PML: variants seen among roughly 807,000 people sequenced by gnomAD.
PML encodes the protein protein PML.
In PML, 28 loss-of-function variants were observed where a neutral mutation model predicts 65.2. That is an observed-to-expected ratio of 0.43 (90% CI 0.32 to 0.59). The LOEUF is 0.59. Among genes scored for constraint, PML ranks in the 20% least tolerant of loss-of-function variants. The probability of loss-of-function intolerance (pLI) is 0.08; values close to 1 mark genes in which losing one functional copy is unlikely to be tolerated. For missense variants in PML, 1,021 were observed against 1,203.4 expected (o/e 0.85, Z 2.24); for synonymous variants, 500 against 508.8 (o/e 0.98, Z 0.23).
At chr15:74,036,509 T>C in intron 7 of PML, 1 of 1,100,314 alleles carries the variant, frequency 9.1e-7, no homozygotes, top group Non-Finnish European at 1.1e-6. Flanking sequence ...GGATACCATG[T>C]CCCCTCTTCC....
Position 74,035,378 on chromosome 15 carries a change from C to G in PML, c.1710+848C>G, listed in dbSNP as rs745972252. 8 of 1,611,832 alleles carry G rather than the reference C, an allele frequency of 5.0e-6. No individual in the cohort carries two copies. The East Asian group carries it at 1.8e-4, about 36-fold the overall frequency. ...CTGCCACCCCCGATGCTGAGCCTCA[C>G]AGCGAGCCTCCTGATCACCAGGAGC... On this transcript the variant is annotated intron_variant, in intron 7 of 8. Transcript: ENST00000268058. The surrounding 1 kb of genome is among the most constrained non-coding windows in gnomAD (Gnocchi z 4.1).
chr15:74,023,819 G>C (rs1338071541), intron 3 of PML, among the ~76,000 whole-genome samples: 2 of 152,128 alleles, frequency 1.3e-5, no homozygotes, highest in Non-Finnish European at 2.9e-5. Flanking sequence ...GTAGAAGGGG[G>C]CTAAGAAAAC....
At chr15:74,031,645 T>G (rs527414920) in intron 4 of PML, among the ~76,000 whole-genome samples, 3 of 152,366 alleles carry the variant, frequency 2.0e-5, no homozygotes, top group Admixed American at 2.0e-4. Flanking sequence ...AAGCTTTTGT[T>G]TAACCGTCTG....
At chr15:74,039,318 A>C (rs12917449) in intron 7 of PML, among the ~76,000 whole-genome samples, 25,321 of 152,212 alleles carry the variant, frequency 0.17, 2,339 homozygotes, top group Non-Finnish European at 0.2. Flanking sequence ...CAGTTCACTC[A>C]TAACATGTGC....
In PML at chr15:74,035,699, C is replaced by G. The variant is rs1227523654; in HGVS notation, c.1710+1169C>G. On this transcript the variant is annotated intron_variant, in intron 7 of 8. Transcript: ENST00000268058. The surrounding 1 kb of genome is among the most constrained non-coding windows in gnomAD (Gnocchi z 4.1). ...GCTCCTCCCATTTATCCCAGTGGCT[C>G]AACAACTTTTTTGCCCTCCCCTTCT... The G allele has an allele frequency of 1.9e-6, 3 of 1,614,140 alleles. No individual in the cohort carries two copies. Among genetic ancestry groups the G allele is most frequent in the Non-Finnish European group, 2.5e-6 (3 of 1,180,012 alleles).
intron 2 of PML, among the ~76,000 whole-genome samples, chr15:74,002,769 T>G (rs1037404775): frequency 6.6e-6 from 1 of 152,064 alleles, no homozygotes; most frequent in Admixed American, 6.6e-5. Flanking sequence ...TTTCTACCTT[T>G]CCTTCCATTC....
chr15:74,009,954 A>G (rs774301018), intron 2 of PML, among the ~76,000 whole-genome samples: 1 of 152,074 alleles, frequency 6.6e-6, no homozygotes, highest in Non-Finnish European at 1.5e-5. Flanking sequence ...TTCTGCAGCT[A>G]TGGGAGTGGG....
At chr15:73,998,507 C>A in intron 2 of PML, 31 bp downstream of exon 2, 1 of 1,569,962 alleles carries the variant, frequency 6.4e-7, no homozygotes, top group Non-Finnish European at 8.8e-7. Flanking sequence ...TGGGGTGGTG[C>A]ATCCAAGTAC....
Position 74,023,065 on chromosome 15 carries a change from C to T in PML, c.840C>T (p.Arg280=), listed in dbSNP as rs777026193. The change falls in exon 3 of 9, where the codon CGC becomes CGT. Residue 280 remains arginine (R), a synonymous_variant. Coordinates refer to ENST00000268058, the MANE Select transcript of PML (RefSeq NM_033238.3). ...RARAETEELI[R]ERVRQVVAHV... ...GTGCCGAGACCGAGGAGCTGATCCGCGAGCGCGTGCGCCAGGTGGTAGCTC... is the reference window on the plus strand; with the variant it reads ...GTGCCGAGACCGAGGAGCTGATCCGTGAGCGCGTGCGCCAGGTGGTAGCTC... 1 of 1,602,818 alleles carries T rather than the reference C, an allele frequency of 6.2e-7. No homozygotes were observed. Among genetic ancestry groups the T allele is most frequent in the Non-Finnish European group, 8.5e-7 (1 of 1,178,472 alleles).
rs751333398 is a variant in PML at position 74,043,696 on chromosome 15, G to A, written c.1862-525G>A. ...CCTGTGGCATGGACTCAACATTGGG[G>A]CTAGCCCAGCCAGACAGAAACAGCA... On this transcript the variant is annotated intron_variant, in intron 8 of 8. Coordinates refer to ENST00000268058, the MANE Select transcript of PML (RefSeq NM_033238.3). The surrounding 1 kb of genome is among the most constrained non-coding windows in gnomAD (Gnocchi z 4.3). 1 of 531,352 alleles carries A rather than the reference G, an allele frequency of 1.9e-6. No homozygotes were observed. The highest frequency in any genetic ancestry group is 4.9e-5 in the East Asian group (1 of 20,336). 32.9% of individuals were successfully genotyped at this position (531,352 alleles called of 1,614,324 possible).
chr15:74,036,490 C>G lies in PML; in HGVS notation c.1710+1960C>G, dbSNP rs80082847. ...CTCTTCCCTATGCTGGAACTCAGTTCTCCTCTGGGGATACCATGTCCCCTC... is the reference window on the plus strand; with the variant it reads ...CTCTTCCCTATGCTGGAACTCAGTTGTCCTCTGGGGATACCATGTCCCCTC... On this transcript the variant is annotated intron_variant, in intron 7 of 8. Transcript: ENST00000268058. 484 of 1,207,798 alleles carry G rather than the reference C, an allele frequency of 4.0e-4. 5 individuals are homozygous for G. In the African/African-American group the frequency reaches 6.6e-3, roughly 16 times the overall value. The allele number at this position is 1,207,798 out of a possible 1,614,324, so 74.8% of individuals were successfully genotyped here. A position where few individuals can be genotyped will look rare whatever the true frequency, so the allele number is the denominator to read the frequency against.
Position 73,998,419 on chromosome 15 carries a change from G to T in PML, c.545G>T (p.Arg182Leu). Residue 182 changes from arginine (R) to leucine (L), a missense_variant, in exon 2 of 9, where the codon CGC (arginine) becomes CTC (leucine). Arg to Leu is a moderately radical substitution (Grantham distance 102). Transcript: ENST00000268058. ...GTGCGTGAGTTCCTGGACGGCACCCGCAAGACCAACAACATCTTCTGCTCC... is the reference window on the plus strand; with the variant it reads ...GTGCGTGAGTTCCTGGACGGCACCCTCAAGACCAACAACATCTTCTGCTCC... ...QSVREFLDGT[R>L]KTNNIFCSNP... 1 of 1,613,986 alleles carries T rather than the reference G, an allele frequency of 6.2e-7. No homozygotes were observed. The highest frequency in any genetic ancestry group is 8.5e-7 in the Non-Finnish European group (1 of 1,179,880).
Position 73,998,229 on chromosome 15 carries a change from T to C in PML, c.355T>C (p.Tyr119His), listed in dbSNP as rs765368853. 1 of 1,614,218 alleles carries C rather than the reference T, an allele frequency of 6.2e-7. No individual in the cohort carries two copies. The highest frequency in any genetic ancestry group is 1.7e-5 in the Admixed American group (1 of 60,030). Residue 119 changes from tyrosine to histidine, a missense_variant, in exon 2 of 9, where the codon TAC becomes CAC. Physicochemically the swap from Tyr to His is moderately conservative, Grantham distance 83. Transcript: ENST00000268058. The part of the protein sequence containing the change: ...FESLQRRLSV[Y>H]RQIVDAQAVC... Reference sequence around the variant, plus strand: ...GAGTCTGCAGCGGCGCCTGTCGGTGTACCGGCAGATTGTGGATGCGCAGGC... The same window carrying C: ...GAGTCTGCAGCGGCGCCTGTCGGTGCACCGGCAGATTGTGGATGCGCAGGC...
chr15:74,011,604 T>C (rs1337338146), intron 2 of PML, among the ~76,000 whole-genome samples: 1 of 152,214 alleles, frequency 6.6e-6, no homozygotes, highest in Admixed American at 6.5e-5. Context: ...CTCTTTTCAA[T>C]AGAAAGCCAT....
chr15:74,034,277 T>C, intron 6 of PML: 1 of 679,100 alleles, frequency 1.5e-6, no homozygotes, highest in Admixed American at 2.2e-5. Context: ...CAAGAAATTA[T>C]GGAAACCCAT....
At position 74,042,577 on chromosome 15, in the gene PML, A is replaced by G. The variant is rs2071718708; in HGVS notation, c.1711-412A>G. ...CAGATGGCTCCTTCCCTGAGCCTCC[A>G]TAAGCAGCACAGCACACTCATGCAC... On this transcript the variant is annotated intron_variant, in intron 7 of 8. Transcript: ENST00000268058. The surrounding 1 kb of genome is among the most constrained non-coding windows in gnomAD (Gnocchi z 5.3). 2 of 985,320 alleles carry G rather than the reference A, an allele frequency of 2.0e-6. No homozygotes were observed. Among genetic ancestry groups the G allele is most frequent in the Non-Finnish European group, 2.4e-6 (2 of 829,934 alleles). The allele number at this position is 985,320 out of a possible 1,614,324, so 61.0% of individuals were successfully genotyped here.
At chr15:74,016,616 T>G (rs945452729) in intron 2 of PML, among the ~76,000 whole-genome samples, 1 of 152,130 alleles carries the variant, frequency 6.6e-6, no homozygotes, top group Non-Finnish European at 1.5e-5. Flanking sequence ...AAAGGAGGGA[T>G]GAGAGAAAGA....
At chr15:74,031,894 T>G (rs533675315) in intron 4 of PML, among the ~76,000 whole-genome samples, 5 of 152,316 alleles carry the variant, frequency 3.3e-5, no homozygotes, top group African/African-American at 1.2e-4. Context: ...CATTACCATA[T>G]GAGGTAGATG....
Position 74,037,479 on chromosome 15 carries a change from A to G in PML, c.1710+2949A>G. 1 of 985,120 alleles carries G rather than the reference A, an allele frequency of 1.0e-6. No homozygotes were observed. Among genetic ancestry groups the G allele is most frequent in the Non-Finnish European group, 1.2e-6 (1 of 829,858 alleles). The allele number at this position is 985,120 out of a possible 1,614,324, so 61.0% of individuals were successfully genotyped here. On this transcript the variant is annotated intron_variant, in intron 7 of 8. Coordinates refer to ENST00000268058, the MANE Select transcript of PML (RefSeq NM_033238.3). The surrounding 1 kb of genome is among the most constrained non-coding windows in gnomAD (Gnocchi z 4.2). ...CCTTCTGAACTAAACACCCTGAATG[A>G]GGTCTTTCTCATCTCAGAAAACTCC... is the stretch of plus-strand genomic sequence containing the variant.
Sources: allele counts gnomAD v4.1 joint callset (sites outside exome capture counted in the v4.1 genomes callset), GRCh38; gene constraint gnomAD v4.1.1; non-coding constraint Gnocchi (gnomAD v3.1); transcripts MANE v1.5; gene names NCBI Gene and HGNC (gene_info 2026-07-23, HGNC 2026-07-21).